Variants in ARHGAP35 observed in about 807,000 individuals in gnomAD.
ARHGAP35 encodes the protein Rho GTPase activating protein 35, also known as rho GTPase-activating protein 35.
ARHGAP35 carries 15 observed loss-of-function variants against 111.1 expected under a neutral mutation model. The ratio of observed to expected loss-of-function variants is 0.13; its 90% CI spans 0.09 to 0.21. The LOEUF (loss-of-function observed/expected upper bound fraction) is 0.21. ARHGAP35 is among the 10% of genes least tolerant of loss of function. The pLI is 1.00. For missense variants in ARHGAP35, 1,262 were observed against 1,873.0 expected (o/e 0.67, Z 6.02); for synonymous variants, 643 against 710.3 (o/e 0.91, Z 1.51).
At position 46,919,578 on chromosome 19, in the gene ARHGAP35, C is replaced by T; in HGVS notation, c.903C>T (p.Ala301=). 1 of 1,613,918 alleles carries T rather than the reference C, an allele frequency of 6.2e-7. No homozygotes were observed. The highest frequency in any genetic ancestry group is 8.5e-7 in the Non-Finnish European group (1 of 1,179,876). Residue 301 remains alanine, a synonymous_variant, in exon 2 of 7, where the codon GCC becomes GCT. Coordinates refer to ENST00000672722, the MANE Select transcript of ARHGAP35 (RefSeq NM_004491.5). The surrounding 1 kb of genome is among the most constrained non-coding windows in gnomAD (Gnocchi z 6.2). ...TGAGTGTCAGCCGAAAGATGCAGGCCTCTCCAGAATACCAGGACTATGTCT... is the reference window on the plus strand; with the variant it reads ...TGAGTGTCAGCCGAAAGATGCAGGCTTCTCCAGAATACCAGGACTATGTCT... The part of the protein sequence containing the change: ...NWLSVSRKMQ[A]SPEYQDYVYL...
Position 46,870,281 on chromosome 19 carries a change from G to A in ARHGAP35, c.-189+9072G>A, listed in dbSNP as rs189737242. Among the ~76,000 whole-genome samples the A allele has an allele frequency of 2.8e-3, 422 of 150,584 alleles. 2 individuals carry two copies. Among genetic ancestry groups the A allele is most frequent in the African/African-American group, 9.7e-3 (401 of 41,136 alleles). The stretch of plus-strand genomic sequence containing the variant: ...TTTTTTTAATGCTGTCAATGTATAA[G>A]AAATTTCTTCTTCTGGGCTGGGCAC... On this transcript the variant is annotated intron_variant, in intron 1 of 6. Transcript: ENST00000672722.
chr19:46,951,125 G>A (rs954907068), intron 3 of ARHGAP35, among the ~76,000 whole-genome samples: 5 of 152,272 alleles, frequency 3.3e-5, no homozygotes, highest in Admixed American at 1.3e-4. Context: ...GCCTTTGCCA[G>A]AATACTTAGG....
In ARHGAP35 at chr19:46,922,002, T is replaced by G. The variant is rs755600099; in HGVS notation, c.3327T>G (p.His1109Gln). The G allele has an allele frequency of 3.8e-5, 61 of 1,613,840 alleles. No individual in the cohort carries two copies. The highest frequency in any genetic ancestry group is 5.1e-5 in the Non-Finnish European group (60 of 1,179,884). Reference protein sequence around the residue: ...NEEENIYSVPHDSTQGKIITI... With the variant: ...NEEENIYSVPQDSTQGKIITI... ...AAGAAAACATATACTCCGTGCCCCA[T>G]GACAGCACCCAAGGCAAAATCATCA... Residue 1109 changes from histidine to glutamine, a missense_variant, in exon 2 of 7, where the codon CAT becomes CAG. Physicochemically the swap from His to Gln is conservative, Grantham distance 24. Around this residue, in one of 8 missense-constraint regions of ARHGAP35, gnomAD observed 579 missense variants for 716.9 expected, o/e 0.81. Coordinates refer to ENST00000672722, the MANE Select transcript of ARHGAP35 (RefSeq NM_004491.5). This position sits in a 1 kb window ranked among gnomAD's most constrained non-coding sequence, Gnocchi z 4.0.
rs1599868054 is a variant in ARHGAP35 at position 46,988,241 on chromosome 19, G to T, written c.3904+175G>T. 1.6e-6 allele frequency: 1 copy of T among 617,636 alleles called. No individual in the cohort carries two copies. The highest frequency in any genetic ancestry group is 2.6e-5 in the Admixed American group (1 of 37,804). The allele number at this position is 617,636 out of a possible 1,614,324, so 38.3% of individuals were successfully genotyped here. A position where few individuals can be genotyped will look rare whatever the true frequency, so the allele number is the denominator to read the frequency against. ...GGCTGCAGCGGGGAGGAGGGGACCG[G>T]GTCCTGTCAGTGAACCGAAGCACCA... On this transcript the variant is annotated intron_variant, in intron 4 of 6. Transcript: ENST00000672722. This position sits in a 1 kb window ranked among gnomAD's most constrained non-coding sequence, Gnocchi z 5.4.
intron 2 of ARHGAP35, among the ~76,000 whole-genome samples, chr19:46,928,591 G>A (rs558293783): frequency 6.6e-6 from 1 of 152,028 alleles, no homozygotes; most frequent in African/African-American, 2.4e-5. Context: ...GTCTTCTCGG[G>A]GGGGTGGATC....
chr19:46,970,945 G>C (rs182060891), intron 3 of ARHGAP35, among the ~76,000 whole-genome samples: 7 of 152,298 alleles, frequency 4.6e-5, no homozygotes, highest in African/African-American at 1.7e-4. Context: ...CCTCTAGCTT[G>C]ACTGTGCCCA....
intron 1 of ARHGAP35, among the ~76,000 whole-genome samples, chr19:46,875,010 C>T (rs2055910004): frequency 6.6e-6 from 1 of 151,762 alleles, no homozygotes; most frequent in Non-Finnish European, 1.5e-5. Flanking sequence ...CGGGGTTTCA[C>T]CATGTTGGTC....
rs1445835064 is a variant in ARHGAP35, at chr19:46,999,423, C to G, written c.4142+14C>G. The G allele has an allele frequency of 6.5e-7, 1 of 1,538,074 alleles. No individual in the cohort carries two copies. The highest frequency in any genetic ancestry group is 8.8e-7 in the Non-Finnish European group (1 of 1,131,024). ...TCACCTAAACAAGTAAGTCGCAGGGCCTTCTGGTTGGTTTTTCCTCCTGAA... is the reference window on the plus strand; with the variant it reads ...TCACCTAAACAAGTAAGTCGCAGGGGCTTCTGGTTGGTTTTTCCTCCTGAA... On this transcript the variant is annotated intron_variant, in intron 6 of 6. Transcript: ENST00000672722. The surrounding 1 kb of genome is among the most constrained non-coding windows in gnomAD (Gnocchi z 5.4).
In ARHGAP35 at chr19:46,958,640, G is replaced by A. The variant is rs116971014; in HGVS notation, c.3826+21232G>A. On this transcript the variant is annotated intron_variant, in intron 3 of 6. Coordinates refer to ENST00000672722, the MANE Select transcript of ARHGAP35 (RefSeq NM_004491.5). ...TGTTGCTCTACCTCGTTGATTGACC[G>A]CTTCCTGCACATTGGACCTGTATGT... 6.0e-3 allele frequency among the ~76,000 whole-genome samples: 911 copies of A among 152,250 alleles called. 5 individuals carry two copies. Among genetic ancestry groups the A allele is most frequent in the South Asian group, 0.02 (97 of 4,820 alleles).
Position 46,983,882 on chromosome 19 carries a change from G to A in ARHGAP35, c.3827-4107G>A, listed in dbSNP as rs7260419. ...CGCCCGCCTCGGCCTCCCAAAGTGC[G>A]GGGATTACAGACATGAGCCACTGCA... On this transcript the variant is annotated intron_variant, in intron 3 of 6. Coordinates refer to ENST00000672722, the MANE Select transcript of ARHGAP35 (RefSeq NM_004491.5). 3.2e-3 allele frequency among the ~76,000 whole-genome samples: 486 copies of A among 152,058 alleles called. 3 individuals carry two copies. The highest frequency in any genetic ancestry group is 0.011 in the African/African-American group (459 of 41,494).
intron 1 of ARHGAP35, among the ~76,000 whole-genome samples, chr19:46,887,755 G>A (rs976117343): frequency 3.3e-5 from 5 of 151,866 alleles, no homozygotes; most frequent in African/African-American, 1.2e-4. Flanking sequence ...CACCCTCCCC[G>A]ACCGAACCAA....
intron 3 of ARHGAP35, among the ~76,000 whole-genome samples, chr19:46,941,105 T>C (rs1005714442): frequency 6.6e-6 from 1 of 152,214 alleles, no homozygotes; most frequent in Non-Finnish European, 1.5e-5. Flanking sequence ...TGTTTTATGC[T>C]GCTTCAAGTA....
intron 1 of ARHGAP35, among the ~76,000 whole-genome samples, chr19:46,882,778 T>C (rs1057361324): frequency 2.0e-5 from 3 of 152,186 alleles, no homozygotes; most frequent in African/African-American, 7.2e-5. Flanking sequence ...CTGTGTTAGT[T>C]TGCTGAGAAT....
intron 1 of ARHGAP35, among the ~76,000 whole-genome samples, chr19:46,912,591 C>T (rs1490206525): frequency 6.6e-6 from 1 of 150,942 alleles, no homozygotes; most frequent in Non-Finnish European, 1.5e-5. Context: ...CTCCTGACTT[C>T]GTGATCTGCC....
In ARHGAP35 at chr19:46,861,220, G is replaced by A. The variant is rs2122842215; in HGVS notation, c.-189+11G>A. Among the ~76,000 whole-genome samples the A allele has an allele frequency of 6.6e-6, 1 of 151,510 alleles. No homozygotes were observed. Among genetic ancestry groups the A allele is most frequent in the East Asian group, 2.0e-4 (1 of 5,116 alleles). On this transcript the variant is annotated intron_variant, in intron 1 of 6. Transcript: ENST00000672722. Reference sequence around the variant, plus strand: ...GAGGGCGCCCAGCTGGTGAGTGCGCGAGCTCACGGGCCCCGGGCGGCGAGG... The same window carrying A: ...GAGGGCGCCCAGCTGGTGAGTGCGCAAGCTCACGGGCCCCGGGCGGCGAGG...
intron 1 of ARHGAP35, among the ~76,000 whole-genome samples, chr19:46,881,559 G>A (rs889484408): frequency 1.3e-5 from 2 of 152,016 alleles, no homozygotes; most frequent in Non-Finnish European, 2.9e-5. Flanking sequence ...CTCAATGGTG[G>A]GCTTAAAAAT....
intron 3 of ARHGAP35, among the ~76,000 whole-genome samples, chr19:46,961,990 A>C (rs2056485799): frequency 2.0e-5 from 3 of 151,668 alleles, no homozygotes. Context: ...GGAAGGAAGG[A>C]AGGGAAGGGA....
At chr19:46,998,649 G>C (rs2056728865) in intron 5 of ARHGAP35, among the ~76,000 whole-genome samples, 1 of 152,240 alleles carries the variant, frequency 6.6e-6, no homozygotes, top group Admixed American at 6.5e-5. Flanking sequence ...ACTGGGCCTG[G>C]CGCGGGTTAC....
rs311382 is a variant in ARHGAP35, at chr19:46,918,066, G to T, written c.-188-422G>T. On this transcript the variant is annotated intron_variant, in intron 1 of 6. Transcript: ENST00000672722. This position sits in a 1 kb window ranked among gnomAD's most constrained non-coding sequence, Gnocchi z 5.4. Reference sequence around the variant, plus strand: ...TAATTCATTACCATACTTAATTATTGTGGCGCTCAAATTGTCCCAGAGTTG... The same window carrying T: ...TAATTCATTACCATACTTAATTATTTTGGCGCTCAAATTGTCCCAGAGTTG... Among the ~76,000 whole-genome samples, 144,994 of 152,282 alleles carry T rather than the reference G, an allele frequency of 0.95. 69,172 individuals carry two copies. Among genetic ancestry groups the T allele is most frequent in the African/African-American group, 0.99 (41,153 of 41,562 alleles).
Sources: allele counts gnomAD v4.1 joint callset (sites outside exome capture counted in the v4.1 genomes callset), GRCh38; gene constraint gnomAD v4.1.1; regional missense constraint gnomAD v4.1.1; non-coding constraint Gnocchi (gnomAD v3.1); transcripts MANE v1.5; gene names NCBI Gene and HGNC (gene_info 2026-07-23, HGNC 2026-07-21).